BRIP1: variants seen among roughly 807,000 people sequenced by gnomAD.
BRIP1 encodes BRCA1 interacting DNA helicase 1.
In BRIP1, 88 loss-of-function variants were observed where a neutral mutation model predicts 119.7. The observed-to-expected ratio is 0.74, with a 90% CI of 0.62 to 0.88. BRIP1 has a LOEUF of 0.88. Ranked by LOEUF, BRIP1 falls within the 40% of genes least tolerant of loss-of-function variation. The pLI is 0.00. For synonymous variants in BRIP1, 443 were observed against 496.5 expected (o/e 0.89, Z 1.43); for missense variants, 1,259 against 1,455.4 (o/e 0.87, Z 2.20).
rs1025345053 is a variant in BRIP1, at chr17:61,831,913, G to A, written c.627+15188C>T. On this transcript the variant is annotated intron_variant, in intron 6 of 19. Coordinates refer to ENST00000259008, the MANE Select transcript of BRIP1 (RefSeq NM_032043.3). This position sits in a 1 kb window ranked among gnomAD's most constrained non-coding sequence, Gnocchi z 4.1. ...GGTATAAACACTCATAATTTTCAGT[G>A]TACAGACAGACAGATACAGAAAAAA... Among the ~76,000 whole-genome samples, 1 of 152,086 alleles carries A rather than the reference G, an allele frequency of 6.6e-6. No homozygotes were observed. The highest frequency in any genetic ancestry group is 1.5e-5 in the Non-Finnish European group (1 of 68,008).
intron 6 of BRIP1, among the ~76,000 whole-genome samples, chr17:61,840,080 C>T (rs1329885283): frequency 6.6e-6 from 1 of 152,118 alleles, no homozygotes; most frequent in African/African-American, 2.4e-5. Context: ...AATTTTTGGC[C>T]AGGTTCCGTG....
At chr17:61,685,118 G>A (rs1477757621) in intron 19 of BRIP1, 1 of 152,272 alleles carries the variant, frequency 6.6e-6, no homozygotes, top group African/African-American at 2.4e-5. Flanking sequence ...GGAGCATAAT[G>A]TATCTGTTGC....
rs2061652839 is a variant in BRIP1, at chr17:61,703,878, C to T, written c.2493-10366G>A. ...GGCTAGCCAGTTAGGTCCCACTTGT[C>T]AATTTTTGTTTTGTTGCAATTGCTT... On this transcript the variant is annotated intron_variant, in intron 17 of 19. Coordinates refer to ENST00000259008, the MANE Select transcript of BRIP1 (RefSeq NM_032043.3). This position sits in a 1 kb window ranked among gnomAD's most constrained non-coding sequence, Gnocchi z 5.0. 2.0e-5 allele frequency among the ~76,000 whole-genome samples: 3 copies of T among 152,004 alleles called. No homozygotes were observed. Among genetic ancestry groups the T allele is most frequent in the African/African-American group, 7.2e-5 (3 of 41,402 alleles).
intron 16 of BRIP1, among the ~76,000 whole-genome samples, chr17:61,719,594 A>G (rs942558064): frequency 6.6e-5 from 10 of 151,708 alleles, no homozygotes; most frequent in African/African-American, 2.2e-4. Context: ...GTGTGGTGGC[A>G]GGCGCCTGTA....
rs184987944 is a variant in BRIP1 at position 61,738,047 on chromosome 17, G to C, written c.2379+4966C>G. The stretch of plus-strand genomic sequence containing the variant: ...TGCCATTGCAATAATAACATGCCTT[G>C]GCTAGTCTGTTGGTCCACAAAGAAT... On this transcript the variant is annotated intron_variant, in intron 16 of 19. Coordinates refer to ENST00000259008, the MANE Select transcript of BRIP1 (RefSeq NM_032043.3). The surrounding 1 kb of genome is among the most constrained non-coding windows in gnomAD (Gnocchi z 4.2). Among the ~76,000 whole-genome samples the C allele has an allele frequency of 3.1e-4, 47 of 152,240 alleles. No individual in the cohort carries two copies. Among genetic ancestry groups the C allele is most frequent in the African/African-American group, 1.1e-3 (46 of 41,540 alleles).
At chr17:61,702,016 C>A (rs2061622189) in intron 17 of BRIP1, among the ~76,000 whole-genome samples, 1 of 152,206 alleles carries the variant, frequency 6.6e-6, no homozygotes, top group Non-Finnish European at 1.5e-5. Flanking sequence ...GCTTACTGTT[C>A]TTACTGCAAT....
At chr17:61,781,913 T>TC (rs2077626723) in intron 11 of BRIP1, among the ~76,000 whole-genome samples, 1 of 105,502 alleles carries the variant, frequency 9.5e-6, no homozygotes, top group African/African-American at 4.3e-5. Context: ...GGAGCAAGAC[T>TC]CCATCTCAAA....
chr17:61,829,928 C>CTTTTTTT (rs59921365), intron 6 of BRIP1, among the ~76,000 whole-genome samples: 3 of 147,476 alleles, frequency 2.0e-5, no homozygotes, highest in Non-Finnish European at 3.0e-5. Context: ...AAGTTTCAAT[C>CTTTTTTT]TTTTTTTTTT....
chr17:61,858,235 G>C (rs1242953699), intron 3 of BRIP1, among the ~76,000 whole-genome samples: 1 of 151,980 alleles, frequency 6.6e-6, no homozygotes, highest in Non-Finnish European at 1.5e-5. Context: ...TTTCCCATTT[G>C]TACCATATAA....
chr17:61,747,420 G>GA (rs540481525), intron 14 of BRIP1, among the ~76,000 whole-genome samples: 11 of 144,438 alleles, frequency 7.6e-5, no homozygotes, highest in South Asian at 2.2e-4. Flanking sequence ...ATTGGTTAAG[G>GA]AAAAAAAAAA....
At chr17:61,837,970 T>G (rs1268919434) in intron 6 of BRIP1, among the ~76,000 whole-genome samples, 1 of 152,150 alleles carries the variant, frequency 6.6e-6, no homozygotes, top group Non-Finnish European at 1.5e-5. Flanking sequence ...TAAATGATTT[T>G]CATAAAAACT....
At position 61,851,049 on chromosome 17, in the gene BRIP1, G is replaced by A. The variant is rs553923110; in HGVS notation, c.380-1793C>T. On this transcript the variant is annotated intron_variant, in intron 4 of 19. Transcript: ENST00000259008. The surrounding 1 kb of genome is among the most constrained non-coding windows in gnomAD (Gnocchi z 4.6). ...TTGAGACCAGCCTGGCCAACGTGAC[G>A]AAAGCCCATCTCTACTAAAAATACA... Among the ~76,000 whole-genome samples the A allele has an allele frequency of 5.3e-5, 8 of 151,948 alleles. No individual in the cohort carries two copies. The highest frequency in any genetic ancestry group is 8.8e-5 in the Non-Finnish European group (6 of 67,976).
At position 61,805,786 on chromosome 17, in the gene BRIP1, A is replaced by G. The variant is rs183695002; in HGVS notation, c.918+2681T>C. Among the ~76,000 whole-genome samples, 1 of 152,284 alleles carries G rather than the reference A, an allele frequency of 6.6e-6. No homozygotes were observed. Among genetic ancestry groups the G allele is most frequent in the African/African-American group, 2.4e-5 (1 of 41,572 alleles). The stretch of plus-strand genomic sequence containing the variant: ...ATAATAGGACATTCACCATTTCTTC[A>G]TTCCAAGCTTCTTCCATACAATTCT... On this transcript the variant is annotated intron_variant, in intron 7 of 19. Coordinates refer to ENST00000259008, the MANE Select transcript of BRIP1 (RefSeq NM_032043.3). This position sits in a 1 kb window ranked among gnomAD's most constrained non-coding sequence, Gnocchi z 5.6.
rs2078027067 is a variant in BRIP1, at chr17:61,803,522, G to A, written c.919-2048C>T. 6.6e-6 allele frequency among the ~76,000 whole-genome samples: 1 copy of A among 151,892 alleles called. No individual in the cohort carries two copies. Among genetic ancestry groups the A allele is most frequent in the South Asian group, 2.1e-4 (1 of 4,820 alleles). On this transcript the variant is annotated intron_variant, in intron 7 of 19. Transcript: ENST00000259008. The surrounding 1 kb of genome is among the most constrained non-coding windows in gnomAD (Gnocchi z 4.3). ...GTTCAAGACCAGCTGGGCAGCACAG[G>A]GAGACTCAATCTCTACAAAAAAACA... is the stretch of plus-strand genomic sequence containing the variant.
At position 61,814,852 on chromosome 17, in the gene BRIP1, CCAAT is replaced by C. The variant is rs1415788441; in HGVS notation, c.628-6099_628-6096del. Among the ~76,000 whole-genome samples the C allele has an allele frequency of 6.6e-6, 1 of 151,886 alleles. No homozygotes were observed. Among genetic ancestry groups the C allele is most frequent in the Non-Finnish European group, 1.5e-5 (1 of 67,944 alleles). ...TGGATGAGTAAATTGTGGGCTCTTT[CCAAT>C]CAATGGAATAATATTATAATGAAAA... On this transcript the variant is annotated intron_variant, in intron 6 of 19. Coordinates refer to ENST00000259008, the MANE Select transcript of BRIP1 (RefSeq NM_032043.3). This position sits in a 1 kb window ranked among gnomAD's most constrained non-coding sequence, Gnocchi z 4.9.
In BRIP1 at chr17:61,687,596, CTCTT is replaced by C. The variant is rs1371187256; in HGVS notation, c.2576-1435_2576-1432del. Among the ~76,000 whole-genome samples, 2 of 152,240 alleles carry C rather than the reference CTCTT, an allele frequency of 1.3e-5. No homozygotes were observed. Among genetic ancestry groups the C allele is most frequent in the East Asian group, 3.9e-4 (2 of 5,188 alleles). On this transcript the variant is annotated intron_variant, in intron 18 of 19. Transcript: ENST00000259008. This position sits in a 1 kb window ranked among gnomAD's most constrained non-coding sequence, Gnocchi z 5.1. ...GCTAATCTAAAACAAAATTTAACAT[CTCTT>C]TATTATAATAAAATGTATTTTTTTT...
chr17:61,850,778 A>G (rs946518786), intron 4 of BRIP1, among the ~76,000 whole-genome samples: 1 of 151,872 alleles, frequency 6.6e-6, no homozygotes, highest in African/African-American at 2.4e-5. Flanking sequence ...CAGTGAGCTG[A>G]GATCGCGCCA....
At chr17:61,790,262 G>A (rs2077794677) in intron 10 of BRIP1, among the ~76,000 whole-genome samples, 3 of 152,044 alleles carry the variant, frequency 2.0e-5, no homozygotes, top group Admixed American at 6.6e-5. Flanking sequence ...GATTCATCTA[G>A]AGCCAGGTGC....
In BRIP1 at chr17:61,849,129, C is replaced by G. The variant is rs876660937; in HGVS notation, c.507G>C (p.Gln169His). ...TTTACTGCCAATAAACTCTGTTTAC[C>G]TGCTGTGTAGTTTCTAAGGGTCGAA... is the stretch of plus-strand genomic sequence containing the variant. The part of the protein sequence containing the change: ...KRIRPLETTQ[Q>H]IRKRHCFGTE... Residue 169 changes from glutamine (Q) to histidine (H), a missense_variant and splice_region_variant, in exon 5 of 20, where the codon CAG becomes CAC. Gln to His is a conservative substitution (Grantham distance 24). This residue lies in a region of BRIP1 where 501 missense variants were observed against 544.0 expected (regional missense o/e 0.92). Coordinates refer to ENST00000259008, the MANE Select transcript of BRIP1 (RefSeq NM_032043.3). The G allele has an allele frequency of 6.2e-7, 1 of 1,613,402 alleles. No individual in the cohort carries two copies. The highest frequency in any genetic ancestry group is 8.5e-7 in the Non-Finnish European group (1 of 1,179,710).
Sources: gnomAD v4.1 joint callset for allele counts (sites outside exome capture counted in the v4.1 genomes callset) on GRCh38, gnomAD v4.1.1 for gene constraint, gnomAD v4.1.1 regional missense constraint, Gnocchi (gnomAD v3.1) non-coding constraint, MANE v1.5 for transcripts, NCBI Gene and HGNC (gene_info 2026-07-23, HGNC 2026-07-21) for gene names.